The following RCAN2 variants were observed in gnomAD, a reference collection of about 807,000 sequenced individuals.
The protein encoded by RCAN2 is calcipressin-2.
A neutral mutation model predicts 23.6 loss-of-function variants in RCAN2; 9 were observed. The observed-to-expected ratio is 0.38, with a 90% CI of 0.23 to 0.67. RCAN2 has a LOEUF of 0.67. Among genes scored for constraint, RCAN2 ranks in the 30% least tolerant of loss-of-function variants. The pLI is 0.51. For missense variants in RCAN2, 273 were observed against 302.3 expected (o/e 0.90, Z 0.72); for synonymous variants, 109 against 115.7 (o/e 0.94, Z 0.37).
intron 4 of RCAN2, among the ~76,000 whole-genome samples, chr6:46,244,611 C>T (rs145455981): frequency 6.6e-6 from 1 of 152,210 alleles, no homozygotes; most frequent in African/African-American, 2.4e-5. Flanking sequence ...TGGAGTCCAG[C>T]TGGGGTGTGA....
intron 2 of RCAN2, among the ~76,000 whole-genome samples, chr6:46,259,262 C>G (rs1424534093): frequency 1.3e-5 from 2 of 152,008 alleles, no homozygotes; most frequent in Non-Finnish European, 2.9e-5. Flanking sequence ...AGAATGAGAA[C>G]AAAAATAAGA....
intron 2 of RCAN2, among the ~76,000 whole-genome samples, chr6:46,455,892 AAAAG>A (rs202045907): frequency 3.1e-4 from 47 of 150,180 alleles, no homozygotes; most frequent in African/African-American, 1.0e-3. Context: ...AAGAAAAAGA[AAAAG>A]AAAAAAAAAA....
chr6:46,365,984 A>C (rs570903639), intron 2 of RCAN2, among the ~76,000 whole-genome samples: 1 of 152,298 alleles, frequency 6.6e-6, no homozygotes, highest in East Asian at 1.9e-4. Context: ...TACTGTCCCC[A>C]GTTTATGGAT....
chr6:46,255,240 A>T (rs1479692524), intron 2 of RCAN2, among the ~76,000 whole-genome samples: 1 of 151,958 alleles, frequency 6.6e-6, no homozygotes, highest in Non-Finnish European at 1.5e-5. Flanking sequence ...GATGAGTACA[A>T]GACAGGTGTG....
chr6:46,473,354 C>A (rs935817866), intron 1 of RCAN2, among the ~76,000 whole-genome samples: 1 of 152,256 alleles, frequency 6.6e-6, no homozygotes, highest in South Asian at 2.1e-4. Flanking sequence ...CATGCACACA[C>A]AAACACACAC....
chr6:46,226,762 T>C (rs1171909536), intron 4 of RCAN2, among the ~76,000 whole-genome samples: 2 of 152,218 alleles, frequency 1.3e-5, no homozygotes, highest in East Asian at 3.8e-4. Context: ...CTTTTCCTAA[T>C]TGAATACCCT....
intron 2 of RCAN2, among the ~76,000 whole-genome samples, chr6:46,348,797 G>C (rs1390490310): frequency 6.6e-6 from 1 of 152,176 alleles, no homozygotes; most frequent in Non-Finnish European, 1.5e-5. Flanking sequence ...CAGTGGCATG[G>C]AGGGGAGTGA....
intron 1 of RCAN2, among the ~76,000 whole-genome samples, chr6:46,476,187 C>T (rs534070721): frequency 1.3e-5 from 2 of 152,272 alleles, no homozygotes; most frequent in African/African-American, 4.8e-5. Context: ...AGCTCAGTTG[C>T]TCACTGTCTC....
intron 1 of RCAN2, among the ~76,000 whole-genome samples, chr6:46,477,560 A>T (rs1372009194): frequency 6.6e-6 from 1 of 152,188 alleles, no homozygotes; most frequent in Non-Finnish European, 1.5e-5. Flanking sequence ...ATGTCATTTT[A>T]TGAGTAAAAT....
chr6:46,461,357 G>A (rs919831767), intron 1 of RCAN2, among the ~76,000 whole-genome samples: 1 of 152,110 alleles, frequency 6.6e-6, no homozygotes. Context: ...CTCTTCTGTT[G>A]TTTGACATTT....
At chr6:46,334,298 C>A (rs1320538422) in intron 2 of RCAN2, among the ~76,000 whole-genome samples, 1 of 152,212 alleles carries the variant, frequency 6.6e-6, no homozygotes, top group East Asian at 1.9e-4. Context: ...GAAGCGGGCT[C>A]CTCTACCTTG....
At chr6:46,351,379 T>A (rs1001602257) in intron 2 of RCAN2, among the ~76,000 whole-genome samples, 1 of 152,228 alleles carries the variant, frequency 6.6e-6, no homozygotes, top group Non-Finnish European at 1.5e-5. Context: ...TCAAAATGTT[T>A]CCAGCCTGGA....
In RCAN2 at chr6:46,348,438, G is replaced by C. The variant is rs1307071188; in HGVS notation, c.226-99542C>G. On this transcript the variant is annotated intron_variant, in intron 2 of 4. Transcript: ENST00000371374. ...ACTCTAGAACCCCTTTCTCTTCCAA[G>C]CACATTTTGAGGAGCTTCTGTACCT... Among the ~76,000 whole-genome samples the C allele has an allele frequency of 2.0e-5, 3 of 152,114 alleles. No homozygotes were observed. In the East Asian group the frequency reaches 5.8e-4, roughly 29 times the overall value.
chr6:46,292,885 C>G (rs368988900), intron 2 of RCAN2, among the ~76,000 whole-genome samples: 57 of 152,262 alleles, frequency 3.7e-4, no homozygotes, highest in African/African-American at 7.7e-4. Context: ...CCTCCACCCC[C>G]ACGACAGGCC....
Position 46,248,773 on chromosome 6 carries a change from G to C in RCAN2, c.349C>G (p.Leu117Val). The change falls in exon 3 of 5, where the codon CTT (leucine) becomes GTT (valine). Residue 117 changes from leucine (L) to valine (V), a missense_variant. Transcript: ENST00000371374. ...TTCCCTCTGAATTGGGTTTCATGAAGCTCTATCCTAGCTCGGGCTGCAGAT... is the reference window on the plus strand; with the variant it reads ...TTCCCTCTGAATTGGGTTTCATGAACCTCTATCCTAGCTCGGGCTGCAGAT... ...PKSAARARIE[L>V]HETQFRGKKL... 1 of 1,613,146 alleles carries C rather than the reference G, an allele frequency of 6.2e-7. No homozygotes were observed. The highest frequency in any genetic ancestry group is 1.7e-4 in the Middle Eastern group (1 of 6,054).
chr6:46,283,445 A>C (rs976369125), intron 2 of RCAN2, among the ~76,000 whole-genome samples: 2 of 152,110 alleles, frequency 1.3e-5, no homozygotes, highest in African/African-American at 4.8e-5. Context: ...TCTCTCTCTA[A>C]TTAAGAAAAA....
chr6:46,335,835 A>C (rs1265108440), intron 2 of RCAN2, among the ~76,000 whole-genome samples: 1 of 152,150 alleles, frequency 6.6e-6, no homozygotes, highest in African/African-American at 2.4e-5. Flanking sequence ...TCTCAGTTGA[A>C]ATTTGGAATT....
At chr6:46,263,338 G>A (rs571323544) in intron 2 of RCAN2, among the ~76,000 whole-genome samples, 1 of 152,268 alleles carries the variant, frequency 6.6e-6, no homozygotes, top group Admixed American at 6.5e-5. Context: ...CTTCTCGGAA[G>A]TCTTTCTTGA....
chr6:46,384,176 G>C (rs1765681674), intron 2 of RCAN2, among the ~76,000 whole-genome samples: 1 of 152,128 alleles, frequency 6.6e-6, no homozygotes, highest in Admixed American at 6.5e-5. Context: ...TTAGTATTAG[G>C]GGTATGGGTG....
Sources: allele counts gnomAD v4.1 joint callset (sites outside exome capture counted in the v4.1 genomes callset), GRCh38; gene constraint gnomAD v4.1.1; transcripts MANE v1.5; gene names NCBI Gene and HGNC (gene_info 2026-07-23, HGNC 2026-07-21).